PDE1A: variants seen among roughly 807,000 people sequenced by gnomAD.
PDE1A encodes phosphodiesterase 1A.
Under a neutral mutation model 61.7 loss-of-function variants are expected in PDE1A, and 35 were observed. The ratio of observed to expected loss-of-function variants is 0.57; its 90% CI spans 0.43 to 0.75. The LOEUF (loss-of-function observed/expected upper bound fraction) is 0.75, where lower values mean the gene tolerates loss of function less well. Ranked by LOEUF, PDE1A falls within the 30% of genes least tolerant of loss-of-function variation. PDE1A has a pLI of 0.00. For synonymous variants in PDE1A, 232 were observed against 213.2 expected (o/e 1.09, Z -0.77); for missense variants, 597 against 630.6 (o/e 0.95, Z 0.57).
At chr2:182,206,195 G>A in intron 7 of PDE1A, 130 bp from the exon 8 acceptor site, 1 of 560,922 alleles carries the variant, frequency 1.8e-6, no homozygotes, top group Non-Finnish European at 2.9e-6. Context: ...AATTATGGAA[G>A]TACTTAGTTT....
the PDE1A span, among the ~76,000 whole-genome samples, chr2:182,607,573 A>G: frequency 6.6e-6 from 1 of 152,208 alleles, no homozygotes; most frequent in Non-Finnish European, 1.5e-5. Flanking sequence ...GGAGTTTCAC[A>G]TCAATGAATA....
intron 2 of PDE1A, among the ~76,000 whole-genome samples, chr2:182,498,711 G>A (rs13410856): frequency 0.011 from 1,718 of 152,072 alleles, 33 homozygotes; most frequent in African/African-American, 0.038. Context: ...TTGGGAGGTC[G>A]AGGCAGGCAG....
the PDE1A span, among the ~76,000 whole-genome samples, chr2:182,618,268 T>C: frequency 6.6e-6 from 1 of 152,202 alleles, no homozygotes; most frequent in Non-Finnish European, 1.5e-5. Flanking sequence ...GTGTCATAAA[T>C]TTTCGATTTG....
chr2:182,294,682 A>G (rs1694756251), intron 1 of PDE1A, among the ~76,000 whole-genome samples: 1 of 152,220 alleles, frequency 6.6e-6, no homozygotes, highest in African/African-American at 2.4e-5. Flanking sequence ...TGGTAAGTTT[A>G]TAGAGTATCA....
chr2:182,490,600 C>G (rs1166288678), intron 2 of PDE1A, among the ~76,000 whole-genome samples: 1 of 151,862 alleles, frequency 6.6e-6, no homozygotes, highest in African/African-American at 2.4e-5. Context: ...GTCTCGATCT[C>G]CTGAACTCAT....
intron 1 of PDE1A, among the ~76,000 whole-genome samples, chr2:182,425,635 G>T (rs890116545): frequency 1.3e-5 from 2 of 151,884 alleles, no homozygotes; most frequent in Non-Finnish European, 2.9e-5. Flanking sequence ...ATTCCTCGAG[G>T]TCTACTCATT....
At chr2:182,416,678 G>A (rs2125554312) in intron 1 of PDE1A, among the ~76,000 whole-genome samples, 1 of 152,272 alleles carries the variant, frequency 6.6e-6, no homozygotes, top group Non-Finnish European at 1.5e-5. Flanking sequence ...CTGAAGCACA[G>A]TGAATTTCAG....
At chr2:182,431,487 A>G (rs1368150374), upstream of PDE1A, among the ~76,000 whole-genome samples, 1 of 152,152 alleles carries the variant, frequency 6.6e-6, no homozygotes, top group Non-Finnish European at 1.5e-5. Flanking sequence ...TTCCTCATAA[A>G]CTAACCATAA....
At chr2:182,233,998 T>A (rs912511364) in intron 4 of PDE1A, among the ~76,000 whole-genome samples, 1 of 152,196 alleles carries the variant, frequency 6.6e-6, no homozygotes, top group Non-Finnish European at 1.5e-5. Flanking sequence ...TTTTCAGACC[T>A]ACAATCCTAA....
the PDE1A span, among the ~76,000 whole-genome samples, chr2:182,602,088 C>A: frequency 6.6e-6 from 1 of 152,210 alleles, no homozygotes; most frequent in Non-Finnish European, 1.5e-5. Context: ...GGTTCAGCCC[C>A]AACTTTGCTC....
At chr2:182,262,185 C>G (rs1481468120) in intron 2 of PDE1A, among the ~76,000 whole-genome samples, 1 of 150,054 alleles carries the variant, frequency 6.7e-6, no homozygotes, top group Non-Finnish European at 1.5e-5. Context: ...CCCTTTCTTT[C>G]CTTTTTCTTT....
chr2:182,199,517 T>A (rs1294695606), intron 10 of PDE1A, among the ~76,000 whole-genome samples: 2 of 152,094 alleles, frequency 1.3e-5, no homozygotes, highest in African/African-American at 4.8e-5. Context: ...TTCAAAATCA[T>A]TCAACTTAAG....
chr2:182,426,540 G>A (rs1703631798), intron 1 of PDE1A, 38 bp downstream of exon 1: 1 of 1,369,852 alleles, frequency 7.3e-7, no homozygotes, highest in Admixed American at 1.7e-5. Context: ...TATTGTTCCT[G>A]ACAGCCCTAG....
At chr2:182,574,593 GA>G in the PDE1A span, among the ~76,000 whole-genome samples, 4 of 151,990 alleles carry the variant, frequency 2.6e-5, no homozygotes, top group Non-Finnish European at 5.9e-5. Context: ...AAATGATAAA[GA>G]AAAAAATATT....
chr2:182,624,947 G>A, the PDE1A span, among the ~76,000 whole-genome samples: 2 of 151,664 alleles, frequency 1.3e-5, no homozygotes, highest in Non-Finnish European at 2.9e-5. Flanking sequence ...CCCTGCTTGT[G>A]CCCCCAAAAT....
At chr2:182,361,431 T>C (rs1005462463) in intron 1 of PDE1A, among the ~76,000 whole-genome samples, 67 of 152,072 alleles carry the variant, frequency 4.4e-4, no homozygotes, top group African/African-American at 1.4e-3. Context: ...GATTTGTAAA[T>C]CTAAACATGA....
chr2:182,625,704 C>T, the PDE1A span, among the ~76,000 whole-genome samples: 2 of 152,168 alleles, frequency 1.3e-5, no homozygotes, highest in Non-Finnish European at 1.5e-5. Flanking sequence ...GTTCAGTTTA[C>T]ATTGCTTTTA....
intron 13 of PDE1A, among the ~76,000 whole-genome samples, chr2:182,171,590 T>C (rs150803225): frequency 4.7e-4 from 71 of 151,914 alleles, no homozygotes; most frequent in Non-Finnish European, 5.2e-4. Flanking sequence ...ATTTCTGTTC[T>C]TCAAGGTGTA....
the PDE1A span, among the ~76,000 whole-genome samples, chr2:182,595,225 G>GA: frequency 4.6e-5 from 7 of 151,878 alleles, no homozygotes; most frequent in Admixed American, 2.0e-4. Flanking sequence ...TGCTTTTTAA[G>GA]AAAAAAACAT....
Sources: gnomAD v4.1 joint callset for allele counts (sites outside exome capture counted in the v4.1 genomes callset) on GRCh38, gnomAD v4.1.1 for gene constraint, MANE v1.5 for transcripts, NCBI Gene and HGNC (gene_info 2026-07-23, HGNC 2026-07-21) for gene names.